Variants in PCBP3 observed in about 807,000 individuals in gnomAD.
PCBP3 encodes the protein poly(rC)-binding protein 3.
Under a neutral mutation model 52.7 loss-of-function variants are expected in PCBP3, and 25 were observed. That is an observed-to-expected ratio of 0.47 (90% CI 0.35 to 0.66). The LOEUF is 0.66. PCBP3 is among the 30% of genes least tolerant of loss of function. The pLI, the probability that PCBP3 is intolerant of heterozygous loss-of-function variation, is 0.01. For synonymous variants in PCBP3, 162 were observed against 183.0 expected, an observed-to-expected ratio of 0.89 and a Z score of 0.93; for missense variants, 391 against 490.3, an observed-to-expected ratio of 0.80 and a Z score of 1.91.
At chr21:45,893,754 C>T (rs1381254068) in intron 5 of PCBP3, 2 of 985,320 alleles carry the variant, frequency 2.0e-6, no homozygotes, top group Non-Finnish European at 2.4e-6. Flanking sequence ...GACCAGAGCT[C>T]TGCCTGTTTC....
intron 16 of PCBP3, among the ~76,000 whole-genome samples, chr21:45,938,510 G>T (rs1249092529): frequency 1.3e-5 from 2 of 152,330 alleles, no homozygotes; most frequent in Non-Finnish European, 2.9e-5. Context: ...AGCCAGGCAG[G>T]TGAATGTGGC....
rs2092778205 is a variant in PCBP3 at position 45,814,479 on chromosome 21, G to A, written c.-125-35482G>A. Among the ~76,000 whole-genome samples, 3 of 97,110 alleles carry A rather than the reference G, an allele frequency of 3.1e-5. No individual in the cohort carries two copies. In the South Asian group the frequency reaches 9.5e-4, roughly 31 times the overall value. The allele number at this position is 97,110 out of a possible 152,430, so 63.7% of individuals were successfully genotyped here. A position where few individuals can be genotyped will look rare whatever the true frequency, so the allele number is the denominator to read the frequency against. ...GTGGTGAGTGATGAGTGGTGAGTGA[G>A]TGATGAGTGGTGAGTGAGTGGTGAG... is the stretch of plus-strand genomic sequence containing the variant. On this transcript the variant is annotated intron_variant, in intron 4 of 17. Transcript: ENST00000681687.
At chr21:45,801,701 T>C (rs902335841) in intron 4 of PCBP3, among the ~76,000 whole-genome samples, 62 of 152,388 alleles carry the variant, frequency 4.1e-4, no homozygotes, top group African/African-American at 1.3e-3. Context: ...ATTTTCTGCC[T>C]TTAGCTGCAG....
chr21:45,702,881 G>T (rs1402237712), intron 2 of PCBP3, among the ~76,000 whole-genome samples: 10 of 152,190 alleles, frequency 6.6e-5, no homozygotes. Flanking sequence ...CCCTGCTGCT[G>T]CTTTAGCAAC....
At chr21:45,901,202 C>G in intron 9 of PCBP3, 89 bp downstream of exon 9, 2 of 909,492 alleles carry the variant, frequency 2.2e-6, no homozygotes, top group Non-Finnish European at 3.6e-6. Context: ...TACACCTGGA[C>G]TAGGGGATGC....
chr21:45,784,435 C>T (rs1288867362), intron 4 of PCBP3, among the ~76,000 whole-genome samples: 1 of 113,660 alleles, frequency 8.8e-6, no homozygotes. Flanking sequence ...CCTCCTACCT[C>T]CTACCTCCTA....
chr21:45,820,505 T>C (rs1447078075), intron 4 of PCBP3, among the ~76,000 whole-genome samples: 1 of 152,214 alleles, frequency 6.6e-6, no homozygotes, highest in Non-Finnish European at 1.5e-5. Context: ...TGGCTTGGGT[T>C]CTGCGGGCCA....
intron 13 of PCBP3, among the ~76,000 whole-genome samples, chr21:45,923,831 G>A (rs1225456395): frequency 2.7e-5 from 4 of 147,790 alleles, no homozygotes; most frequent in African/African-American, 7.6e-5. Flanking sequence ...GAGGAGATGC[G>A]AACACCGGGA....
intron 4 of PCBP3, chr21:45,761,999 GT>G: frequency 6.6e-6 from 1 of 152,338 alleles, no homozygotes; most frequent in African/African-American, 2.4e-5. Context: ...TGTGTATTCT[GT>G]TTTCGTTGCA....
intron 2 of PCBP3, among the ~76,000 whole-genome samples, chr21:45,718,901 A>AT (rs1253105325): frequency 1.3e-5 from 2 of 152,206 alleles, no homozygotes; most frequent in African/African-American, 2.4e-5. Context: ...TCACAAGGGG[A>AT]TAAAAGCATA....
At chr21:45,804,370 A>C (rs890944429) in intron 4 of PCBP3, among the ~76,000 whole-genome samples, 1 of 152,182 alleles carries the variant, frequency 6.6e-6, no homozygotes, top group African/African-American at 2.4e-5. Flanking sequence ...CATGTAGATT[A>C]TATTGATTTA....
intron 4 of PCBP3, among the ~76,000 whole-genome samples, chr21:45,819,630 G>T (rs2093068975): frequency 6.6e-6 from 1 of 152,262 alleles, no homozygotes; most frequent in South Asian, 2.1e-4. Context: ...CTTGATGGTA[G>T]TGTAGATTCT....
In PCBP3 at chr21:45,737,270, T is replaced by C. The variant is rs1402150263; in HGVS notation, c.-162+1841T>C. On this transcript the variant is annotated intron_variant, in intron 3 of 17. Coordinates refer to ENST00000681687, the MANE Select transcript of PCBP3 (RefSeq NM_001384156.1). This position sits in a 1 kb window ranked among gnomAD's most constrained non-coding sequence, Gnocchi z 4.9. ...AGGGAGCCAGCCAGTCTCTTCTCTG[T>C]GCTAGGTTATTGTTGTGGCTTTAGC... 6.6e-6 allele frequency among the ~76,000 whole-genome samples: 1 copy of C among 152,168 alleles called. No individual in the cohort carries two copies. Among genetic ancestry groups the C allele is most frequent in the Non-Finnish European group, 1.5e-5 (1 of 68,026 alleles).
intron 2 of PCBP3, among the ~76,000 whole-genome samples, chr21:45,731,763 C>A (rs2085471238): frequency 6.6e-6 from 1 of 152,198 alleles, no homozygotes; most frequent in Non-Finnish European, 1.5e-5. Flanking sequence ...TACCAGTTCA[C>A]ATATAATGTA....
chr21:45,848,597 CA>C (rs1277140924), intron 4 of PCBP3, among the ~76,000 whole-genome samples: 3 of 152,202 alleles, frequency 2.0e-5, no homozygotes, highest in Non-Finnish European at 2.9e-5. Flanking sequence ...AACTTAGTCT[CA>C]TTTCTAGGCT....
At chr21:45,690,391 T>C (rs1441139897) in intron 2 of PCBP3, among the ~76,000 whole-genome samples, 3 of 152,120 alleles carry the variant, frequency 2.0e-5, no homozygotes, top group African/African-American at 7.2e-5. Flanking sequence ...CTTTCTGACC[T>C]TGGGGCTTGC....
At chr21:45,673,238 C>T (rs2081278127) in intron 2 of PCBP3, among the ~76,000 whole-genome samples, 1 of 152,128 alleles carries the variant, frequency 6.6e-6, no homozygotes, top group African/African-American at 2.4e-5. Context: ...TTATTTGACC[C>T]ATTTTCTACT....
intron 3 of PCBP3, chr21:45,744,336 A>G (rs2086669867): frequency 1.3e-5 from 2 of 152,156 alleles, no homozygotes; most frequent in South Asian, 4.1e-4. Context: ...CTGGGACTAC[A>G]GGCATGTGCC....
intron 14 of PCBP3, 91 bp from the exon 15 acceptor site, chr21:45,930,695 G>T: frequency 4.5e-6 from 3 of 673,952 alleles, no homozygotes; most frequent in Non-Finnish European, 8.2e-6. Flanking sequence ...CGGTGCGTGC[G>T]CCAGTCATAT....
Sources: allele counts gnomAD v4.1 joint callset (sites outside exome capture counted in the v4.1 genomes callset), GRCh38; gene constraint gnomAD v4.1.1; non-coding constraint Gnocchi (gnomAD v3.1); transcripts MANE v1.5; gene names NCBI Gene and HGNC (gene_info 2026-07-23, HGNC 2026-07-21).